The following LMNTD1 variants were observed in gnomAD, a reference collection of about 807,000 sequenced individuals.
The protein encoded by LMNTD1 is lamin tail domain-containing protein 1.
Under a neutral mutation model 50.9 loss-of-function variants are expected in LMNTD1, and 35 were observed. That is an observed-to-expected ratio of 0.69 (90% CI 0.53 to 0.91). LMNTD1 has a LOEUF of 0.91. LMNTD1 is among the 40% of genes least tolerant of loss of function. The pLI is 0.00. For missense variants in LMNTD1, 470 were observed against 475.5 expected (o/e 0.99, Z 0.11); for synonymous variants, 153 against 161.9 (o/e 0.94, Z 0.42).
At chr12:25,615,798 G>A (rs1464232575) in intron 1 of LMNTD1, among the ~76,000 whole-genome samples, 1 of 152,140 alleles carries the variant, frequency 6.6e-6, no homozygotes, top group Non-Finnish European at 1.5e-5. Context: ...TAGAACTTGA[G>A]TTGTCATAAC....
chr12:25,526,401 GAGAA>G (rs567377630), intron 5 of LMNTD1, among the ~76,000 whole-genome samples, 183 bp from the exon 6 acceptor site: 206 of 152,222 alleles, frequency 1.4e-3, no homozygotes, highest in South Asian at 0.011. Flanking sequence ...AGGAAAAAAC[GAGAA>G]AGAGAGGACC....
intron 1 of LMNTD1, among the ~76,000 whole-genome samples, chr12:25,600,551 T>G (rs1210539269): frequency 1.3e-5 from 2 of 152,078 alleles, no homozygotes; most frequent in Non-Finnish European, 2.9e-5. Context: ...ACTACCCATC[T>G]GACAAGAGAT....
chr12:25,622,666 C>T (rs900290414), intron 1 of LMNTD1, among the ~76,000 whole-genome samples: 2 of 152,030 alleles, frequency 1.3e-5, no homozygotes, highest in African/African-American at 4.8e-5. Context: ...AGTCACAGTC[C>T]TACAAAAGAC....
Position 25,598,378 on chromosome 12 carries a change from G to C in LMNTD1, c.58+50116C>G, listed in dbSNP as rs575566042. On this transcript the variant is annotated intron_variant, in intron 1 of 7. Transcript: ENST00000445693. ...AGCAGTACTAAGAGGGACCTTTTTA[G>C]CTATAAATGCCTACATCAAAAAAAG... 2.0e-4 allele frequency among the ~76,000 whole-genome samples: 30 copies of C among 151,478 alleles called. No homozygotes were observed. The East Asian group carries it at 5.4e-3, about 27-fold the overall frequency.
At chr12:25,495,249 C>CGCGTGTGT (rs1555208226) in intron 9 of LMNTD1, among the ~76,000 whole-genome samples, 5,975 of 144,730 alleles carry the variant, frequency 0.041, 185 homozygotes, top group Non-Finnish European at 0.063. Flanking sequence ...AAAGTGTGTA[C>CGCGTGTGT]GTGTGTGTGT....
intron 4 of LMNTD1, among the ~76,000 whole-genome samples, chr12:25,542,627 C>T (rs951109515): frequency 2.0e-5 from 3 of 150,684 alleles, no homozygotes; most frequent in East Asian, 1.9e-4. Context: ...TGCTAGATGA[C>T]GAGTTAGTGG....
chr12:25,580,096 A>G (rs1432326054), intron 1 of LMNTD1, among the ~76,000 whole-genome samples: 1 of 152,080 alleles, frequency 6.6e-6, no homozygotes, highest in African/African-American at 2.4e-5. Context: ...ACACTTCCCT[A>G]TGCCACCCAG....
chr12:25,531,643 A>G (rs2136121985), intron 4 of LMNTD1, among the ~76,000 whole-genome samples: 1 of 151,994 alleles, frequency 6.6e-6, no homozygotes. Context: ...TTAGCCTGCT[A>G]GATGTTGGTA....
chr12:25,498,601 G>A (rs953876884), intron 9 of LMNTD1, among the ~76,000 whole-genome samples: 24 of 152,142 alleles, frequency 1.6e-4, no homozygotes, highest in African/African-American at 5.3e-4. Flanking sequence ...ATAAAAGACT[G>A]AAGTCACAAG....
At chr12:25,551,118 A>G (rs1339838402) in intron 2 of LMNTD1, among the ~76,000 whole-genome samples, 1 of 152,250 alleles carries the variant, frequency 6.6e-6, no homozygotes, top group Non-Finnish European at 1.5e-5. Context: ...TCTCCCTGAC[A>G]TTGACTACAA....
intron 1 of LMNTD1, among the ~76,000 whole-genome samples, chr12:25,560,920 A>T (rs1043835801): frequency 1.2e-4 from 19 of 152,196 alleles, no homozygotes; most frequent in African/African-American, 4.6e-4. Context: ...TATCAGCTTA[A>T]GGAGATTTTG....
chr12:25,527,061 A>G (rs1348114226), intron 4 of LMNTD1, 106 bp from the exon 5 acceptor site: 20 of 741,652 alleles, frequency 2.7e-5, no homozygotes, highest in Non-Finnish European at 3.4e-5. Context: ...CTTAAACTGT[A>G]TATTCTATTG....
chr12:25,490,813 C>G (rs1938857634), intron 9 of LMNTD1, among the ~76,000 whole-genome samples: 1 of 152,104 alleles, frequency 6.6e-6, no homozygotes, highest in South Asian at 2.1e-4. Context: ...ACTAACCACC[C>G]AGGAAGAGAG....
Position 25,580,420 on chromosome 12 carries a change from T to A in LMNTD1, c.59-33866A>T, listed in dbSNP as rs192363970. On this transcript the variant is annotated intron_variant, in intron 1 of 7. Coordinates refer to the LMNTD1 transcript ENST00000445693. Reference sequence around the variant, plus strand: ...TGTTCAGCACAAGTATTAAATATTATGAATAACACTCCCAGTTGCTGGCAT... The same window carrying A: ...TGTTCAGCACAAGTATTAAATATTAAGAATAACACTCCCAGTTGCTGGCAT... 3.3e-3 allele frequency among the ~76,000 whole-genome samples: 497 copies of A among 152,276 alleles called. 1 individual carries two copies. The highest frequency in any genetic ancestry group is 0.011 in the African/African-American group (478 of 41,570).
intron 1 of LMNTD1, among the ~76,000 whole-genome samples, chr12:25,646,401 A>G (rs1947072121): frequency 6.6e-6 from 1 of 152,016 alleles, no homozygotes; most frequent in Admixed American, 6.5e-5. Flanking sequence ...TCTCAGATTC[A>G]TCTTGGTTTC....
Position 25,591,815 on chromosome 12 carries a change from G to GAA in LMNTD1, c.59-45262_59-45261insTT, listed in dbSNP as rs1555118429. Reference sequence around the variant, plus strand: ...CCAGCTCCTAATAGCTCAGAACAGAGAGAGAGAGAGAGAGAGAGAGAGAGA... The same window carrying GAA: ...CCAGCTCCTAATAGCTCAGAACAGAGAAAGAGAGAGAGAGAGAGAGAGAGAGA... On this transcript the variant is annotated intron_variant, in intron 1 of 7. Transcript: ENST00000445693. Among the ~76,000 whole-genome samples, 3 of 111,274 alleles carry GAA rather than the reference G, an allele frequency of 2.7e-5. No individual in the cohort carries two copies. In the Admixed American group the frequency reaches 2.8e-4, roughly 11 times the overall value. 73.0% of individuals were successfully genotyped at this position (111,274 alleles called of 152,430 possible).
At chr12:25,612,754 A>G (rs933978603) in intron 1 of LMNTD1, among the ~76,000 whole-genome samples, 11 of 152,148 alleles carry the variant, frequency 7.2e-5, no homozygotes, top group Non-Finnish European at 1.6e-4. Flanking sequence ...TTTAAAGGCT[A>G]CCATATGTGA....
At chr12:25,562,386 C>T (rs1311140816) in intron 1 of LMNTD1, among the ~76,000 whole-genome samples, 1 of 152,160 alleles carries the variant, frequency 6.6e-6, no homozygotes, top group Non-Finnish European at 1.5e-5. Context: ...ATTTCTCCTT[C>T]ACTTATGAAG....
intron 1 of LMNTD1, among the ~76,000 whole-genome samples, chr12:25,578,046 C>T (rs1005799970): frequency 6.6e-6 from 1 of 152,140 alleles, no homozygotes; most frequent in Non-Finnish European, 1.5e-5. Context: ...TAGTTGTCCA[C>T]GTGCTTATTT....
Sources: gnomAD v4.1 joint callset for allele counts (sites outside exome capture counted in the v4.1 genomes callset) on GRCh38, gnomAD v4.1.1 for gene constraint, MANE v1.5 for transcripts, NCBI Gene and HGNC (gene_info 2026-07-23, HGNC 2026-07-21) for gene names.